FAM135B: variants seen among roughly 807,000 people sequenced by gnomAD.
FAM135B encodes family with sequence similarity 135 member B, also known as protein FAM135B.
In FAM135B, 43 loss-of-function variants were observed where a neutral mutation model predicts 127.7. That is an observed-to-expected ratio of 0.34 (90% CI 0.26 to 0.43). The LOEUF (loss-of-function observed/expected upper bound fraction) is 0.43, where lower values mean the gene tolerates loss of function less well. Among genes scored for constraint, FAM135B ranks in the 20% least tolerant of loss-of-function variants. The pLI is 1.00. For missense variants in FAM135B, 1,558 were observed against 1,725.6 expected, an observed-to-expected ratio of 0.90 and a Z score of 1.72; for synonymous variants, 670 against 665.1, an observed-to-expected ratio of 1.01 and a Z score of -0.11.
chr8:138,342,889 C>T lies in FAM135B; in HGVS notation c.77+25018G>A, dbSNP rs114811849. Among the ~76,000 whole-genome samples the T allele has an allele frequency of 4.1e-3, 619 of 152,320 alleles. 7 individuals carry two copies. Among genetic ancestry groups the T allele is most frequent in the African/African-American group, 0.014 (594 of 41,574 alleles). On this transcript the variant is annotated intron_variant, in intron 2 of 19. Coordinates refer to ENST00000395297, the MANE Select transcript of FAM135B (RefSeq NM_015912.4). ...GTAAACAGCTATGCATACCCAAACACGTGTGCATCCAAACATGCATGCACA... is the reference window on the plus strand; with the variant it reads ...GTAAACAGCTATGCATACCCAAACATGTGTGCATCCAAACATGCATGCACA...
At chr8:138,392,393 G>A (rs1462529759) in intron 1 of FAM135B, among the ~76,000 whole-genome samples, 1 of 152,190 alleles carries the variant, frequency 6.6e-6, no homozygotes, top group Non-Finnish European at 1.5e-5. Context: ...GCAGTTGCAA[G>A]GGAAAAGTGA....
chr8:138,224,666 T>C (rs1819277494), intron 7 of FAM135B, among the ~76,000 whole-genome samples: 1 of 152,206 alleles, frequency 6.6e-6, no homozygotes, highest in Non-Finnish European at 1.5e-5. Context: ...ATGGACTTGA[T>C]GTTTGTGTCT....
chr8:138,437,759 G>T (rs1835532380), intron 1 of FAM135B: 1 of 152,108 alleles, frequency 6.6e-6, no homozygotes, highest in South Asian at 2.1e-4. Flanking sequence ...GTGAAGATAA[G>T]ACTTATTTCA....
intron 1 of FAM135B, among the ~76,000 whole-genome samples, chr8:138,451,539 A>G (rs1336525772): frequency 6.6e-6 from 1 of 152,230 alleles, no homozygotes; most frequent in African/African-American, 2.4e-5. Flanking sequence ...GACAACCCCT[A>G]CAGCAGAATT....
At chr8:138,298,774 T>TA (rs1825655721) in intron 3 of FAM135B, among the ~76,000 whole-genome samples, 1 of 152,092 alleles carries the variant, frequency 6.6e-6, no homozygotes, top group Admixed American at 6.6e-5. Context: ...TGTGGATTTT[T>TA]AAAAAACTAT....
At position 138,228,913 on chromosome 8, in the gene FAM135B, A is replaced by T. The variant is rs548852487; in HGVS notation, c.669+14029T>A. On this transcript the variant is annotated intron_variant, in intron 7 of 19. Coordinates refer to ENST00000395297, the MANE Select transcript of FAM135B (RefSeq NM_015912.4). ...AGACTGGGGACAGAGAAGCAGGGGT[A>T]TCCAGTAAATAGGTATGAAGTAACC... 7.2e-5 allele frequency among the ~76,000 whole-genome samples: 11 copies of T among 152,308 alleles called. No homozygotes were observed. The South Asian group carries it at 2.3e-3, about 32-fold the overall frequency.
At chr8:138,310,774 T>C in intron 3 of FAM135B, 67 bp downstream of exon 3, 1 of 1,430,116 alleles carries the variant, frequency 7.0e-7, no homozygotes, top group Non-Finnish European at 9.8e-7. Flanking sequence ...TGCTGTGCCC[T>C]GGCGAGCAGT....
intron 1 of FAM135B, among the ~76,000 whole-genome samples, chr8:138,436,064 T>C (rs1835438112): frequency 6.6e-6 from 1 of 152,194 alleles, no homozygotes; most frequent in Non-Finnish European, 1.5e-5. Context: ...ATGATAACAG[T>C]GTCGTAAAAG....
chr8:138,197,099 GTGTGTGTGTGTGTGTGTGTATA>G (rs144269567), intron 8 of FAM135B, among the ~76,000 whole-genome samples: 6,866 of 92,298 alleles, frequency 0.074, 300 homozygotes, highest in East Asian at 0.38. Context: ...GTGTGTGTGT[GTGTGTGTGTGTGTGTGTGTATA>G]TATATAGTTT....
intron 7 of FAM135B, among the ~76,000 whole-genome samples, chr8:138,208,861 A>C (rs1275478886): frequency 1.3e-5 from 2 of 152,124 alleles, no homozygotes; most frequent in African/African-American, 4.8e-5. Context: ...AGAGATTTTG[A>C]CCTATTCAGA....
At chr8:138,265,549 C>T (rs913118517) in intron 4 of FAM135B, among the ~76,000 whole-genome samples, 154 bp downstream of exon 4, 2 of 152,182 alleles carry the variant, frequency 1.3e-5, no homozygotes, top group East Asian at 3.8e-4. Flanking sequence ...ACAACGAATA[C>T]ATAAATAAGT....
At chr8:138,440,377 AAATGG>A (rs1159965339) in intron 1 of FAM135B, 3 of 152,088 alleles carry the variant, frequency 2.0e-5, no homozygotes, top group African/African-American at 7.2e-5. Flanking sequence ...TAGGAGGGAG[AAATGG>A]GTGCAAGATA....
intron 7 of FAM135B, among the ~76,000 whole-genome samples, chr8:138,234,456 G>A (rs1486159558): frequency 2.6e-5 from 4 of 152,106 alleles, no homozygotes; most frequent in Non-Finnish European, 4.4e-5. Context: ...CTAAGATATG[G>A]AAACAAGTTA....
intron 3 of FAM135B, among the ~76,000 whole-genome samples, chr8:138,294,001 G>A (rs1250592952): frequency 6.6e-6 from 1 of 152,132 alleles, no homozygotes; most frequent in African/African-American, 2.4e-5. Flanking sequence ...CAAACTAAGT[G>A]TCCATCAACC....
intron 2 of FAM135B, among the ~76,000 whole-genome samples, chr8:138,335,215 A>C (rs977205036): frequency 2.0e-5 from 3 of 152,166 alleles, no homozygotes; most frequent in Admixed American, 2.0e-4. Flanking sequence ...TGGGAATCCC[A>C]TGCCCATCGG....
chr8:138,232,816 A>G (rs1217231171), intron 7 of FAM135B, among the ~76,000 whole-genome samples: 1 of 152,190 alleles, frequency 6.6e-6, no homozygotes, highest in East Asian at 1.9e-4. Context: ...TTTGAAATCT[A>G]TCCTCTTAAC....
rs1821031174 is a variant in FAM135B, at chr8:138,243,549, C to T, written c.543-481G>A. Among the ~76,000 whole-genome samples, 1 of 152,166 alleles carries T rather than the reference C, an allele frequency of 6.6e-6. No individual in the cohort carries two copies. The highest frequency in any genetic ancestry group is 1.5e-5 in the Non-Finnish European group (1 of 68,030). On this transcript the variant is annotated intron_variant, in intron 6 of 19. Coordinates refer to ENST00000395297, the MANE Select transcript of FAM135B (RefSeq NM_015912.4). The surrounding 1 kb of genome is among the most constrained non-coding windows in gnomAD (Gnocchi z 7.5). ...TCCGCATGAGAGTCTAATACGATGT[C>T]AAAGACTGTCATAAGCCAGAAAGCA...
chr8:138,151,434 A>G lies in FAM135B; in HGVS notation c.3041T>C (p.Leu1014Pro), dbSNP rs1355208899. 6.2e-7 allele frequency: 1 copy of G among 1,614,110 alleles called. No individual in the cohort carries two copies. The highest frequency in any genetic ancestry group is 2.2e-5 in the East Asian group (1 of 44,896). ...CAGAGTAAAGGTCTCTGCAGAAGTC[A>G]GATGGGACCCCATGATGGAAGTGCC... Reference protein sequence around the residue: ...KAGTSIMGSHLTSAETFTLDS... With the variant: ...KAGTSIMGSHPTSAETFTLDS... The change falls in exon 13 of 20, where the codon CTG (leucine) becomes CCG (proline). Residue 1014 changes from leucine (L) to proline (P), a missense_variant. Leu to Pro is a moderately conservative substitution (Grantham distance 98). Coordinates refer to ENST00000395297, the MANE Select transcript of FAM135B (RefSeq NM_015912.4).
At chr8:138,158,139 A>G (rs1042746315) in intron 12 of FAM135B, among the ~76,000 whole-genome samples, 2 of 152,204 alleles carry the variant, frequency 1.3e-5, no homozygotes, top group African/African-American at 4.8e-5. Flanking sequence ...CTCAGAAATA[A>G]TACCACACAT....
Sources: gnomAD v4.1 joint callset for allele counts (sites outside exome capture counted in the v4.1 genomes callset) on GRCh38, gnomAD v4.1.1 for gene constraint, Gnocchi (gnomAD v3.1) non-coding constraint, MANE v1.5 for transcripts, NCBI Gene and HGNC (gene_info 2026-07-23, HGNC 2026-07-21) for gene names.